Variants in AGK observed in about 807,000 individuals in gnomAD.
AGK encodes the protein acylglycerol kinase, also known as acylglycerol kinase, mitochondrial.
In AGK, 52 loss-of-function variants were observed where a neutral mutation model predicts 66.4. The ratio of observed to expected loss-of-function variants is 0.78; its 90% CI spans 0.63 to 0.99. AGK has a LOEUF of 0.99. AGK is among the 50% of genes least tolerant of loss of function. The pLI is 0.00. For synonymous variants in AGK, 182 were observed against 181.1 expected (o/e 1.00, Z -0.04); for missense variants, 451 against 506.6 (o/e 0.89, Z 1.05).
intron 13 of AGK, among the ~76,000 whole-genome samples, chr7:141,646,362 G>A (rs1242939356): frequency 1.3e-5 from 2 of 151,926 alleles, no homozygotes; most frequent in Admixed American, 6.5e-5. Context: ...GGAATAGTTC[G>A]TGTTCAAACC....
intron 2 of AGK, among the ~76,000 whole-genome samples, chr7:141,560,714 A>G (rs1587059991): frequency 6.7e-6 from 1 of 150,324 alleles, no homozygotes; most frequent in East Asian, 2.0e-4. Context: ...AATATATGAT[A>G]TTTGGCTTTC....
intron 2 of AGK, among the ~76,000 whole-genome samples, chr7:141,584,386 A>G (rs1483387563): frequency 1.3e-5 from 2 of 152,198 alleles, no homozygotes; most frequent in East Asian, 1.9e-4. Flanking sequence ...ATCTGGACGC[A>G]TATACATGCA....
At chr7:141,557,251 C>T (rs1288245831) in intron 2 of AGK, among the ~76,000 whole-genome samples, 1 of 152,200 alleles carries the variant, frequency 6.6e-6, no homozygotes, top group East Asian at 1.9e-4. Flanking sequence ...ATACATTCCC[C>T]TTCTTTTCTT....
In AGK at chr7:141,651,591, C is replaced by T; in HGVS notation, c.1113C>T (p.Cys371=). The change falls in exon 15 of 16, where the codon TGC becomes TGT. Residue 371 remains cysteine, a synonymous_variant. Coordinates refer to ENST00000649286, the MANE Select transcript of AGK (RefSeq NM_018238.4). ...CGGAGTGTCTCCAAGCCAGCCAGTGCACTTTGCTTATCCCGGAGGTGAGTG... is the reference window on the plus strand; with the variant it reads ...CGGAGTGTCTCCAAGCCAGCCAGTGTACTTTGCTTATCCCGGAGGTGAGTG... ...EGTECLQASQ[C]TLLIPEGAGG... 4.3e-6 allele frequency: 7 copies of T among 1,614,222 alleles called. No individual in the cohort carries two copies. Among genetic ancestry groups the T allele is most frequent in the South Asian group, 1.1e-5 (1 of 91,086 alleles).
At chr7:141,613,998 A>G (rs555904356) in intron 6 of AGK, 148 bp from the exon 7 acceptor site, 385 of 581,168 alleles carry the variant, frequency 6.6e-4, no homozygotes, top group Non-Finnish European at 1.0e-3. Flanking sequence ...GGAGAATACT[A>G]TATGTTTTAA....
At chr7:141,556,902 G>A (rs1032743636) in intron 2 of AGK, among the ~76,000 whole-genome samples, 1 of 152,214 alleles carries the variant, frequency 6.6e-6, no homozygotes, top group African/African-American at 2.4e-5. Context: ...GGAGGGAGAA[G>A]AAAGTGCCAG....
At chr7:141,573,649 G>A (rs1023638464) in intron 2 of AGK, among the ~76,000 whole-genome samples, 8 of 152,086 alleles carry the variant, frequency 5.3e-5, no homozygotes, top group Admixed American at 1.3e-4. Flanking sequence ...TTTATAGGCC[G>A]GAAGTTGTCC....
chr7:141,616,208 T>C (rs1332964254), intron 8 of AGK: 1 of 152,222 alleles, frequency 6.6e-6, no homozygotes, highest in Non-Finnish European at 1.5e-5. Context: ...ATAGGAATCT[T>C]GAATTTGAGC....
At chr7:141,623,122 G>C (rs1796859728) in intron 9 of AGK, among the ~76,000 whole-genome samples, 1 of 152,132 alleles carries the variant, frequency 6.6e-6, no homozygotes, top group African/African-American at 2.4e-5. Context: ...GCTCATGCCT[G>C]TAATCCCAGC....
chr7:141,588,584 C>G (rs1260484455), intron 2 of AGK, among the ~76,000 whole-genome samples: 1 of 151,658 alleles, frequency 6.6e-6, no homozygotes. Context: ...CCACTGCACT[C>G]CAGCCTGGGG....
chr7:141,631,883 G>T (rs1426058215), intron 9 of AGK, among the ~76,000 whole-genome samples: 3 of 152,122 alleles, frequency 2.0e-5, no homozygotes, highest in Non-Finnish European at 4.4e-5. Context: ...ATGTACTTCA[G>T]GTCTCTGTTC....
chr7:141,570,488 A>G (rs999647449), intron 2 of AGK, among the ~76,000 whole-genome samples: 2 of 152,216 alleles, frequency 1.3e-5, no homozygotes, highest in Non-Finnish European at 2.9e-5. Context: ...AAAGAAAAAA[A>G]TTAATTTAAA....
chr7:141,620,632 A>T (rs373512232), intron 8 of AGK, among the ~76,000 whole-genome samples: 2 of 152,204 alleles, frequency 1.3e-5, no homozygotes, highest in African/African-American at 4.8e-5. Flanking sequence ...CCTGTAATTG[A>T]TAAATTGCTG....
At position 141,555,749 on chromosome 7, in the gene AGK, AC is replaced by A. The variant is rs1374118713; in HGVS notation, c.101+183del. On this transcript the variant is annotated intron_variant, in intron 2 of 15. Transcript: ENST00000649286. This position sits in a 1 kb window ranked among gnomAD's most constrained non-coding sequence, Gnocchi z 4.2. ...TAACCAGAGCTGGAACTACATGCAT[AC>A]TTATATCCAGTGGTTAGAGAATAAA... 6.6e-6 allele frequency among the ~76,000 whole-genome samples: 1 copy of A among 152,252 alleles called. No individual in the cohort carries two copies. Among genetic ancestry groups the A allele is most frequent in the African/African-American group, 2.4e-5 (1 of 41,468 alleles).
intron 4 of AGK, 47 bp from the exon 5 acceptor site, chr7:141,601,158 C>A: frequency 7.0e-7 from 1 of 1,421,830 alleles, no homozygotes; most frequent in South Asian, 1.2e-5. Context: ...TGTTCTTGCT[C>A]TTGATAACCT....
rs561698660 is a variant in AGK at position 141,627,653 on chromosome 7, A to G, written c.588+5852A>G. 2.6e-5 allele frequency among the ~76,000 whole-genome samples: 4 copies of G among 152,340 alleles called. No individual in the cohort carries two copies. In the East Asian group the frequency reaches 5.8e-4, roughly 22 times the overall value. ...TTTAAATTGCAGTTGATCTTTTAGC[A>G]TATAATAAAGCTAACTTGTTTTCAT... On this transcript the variant is annotated intron_variant, in intron 9 of 15. Coordinates refer to ENST00000649286, the MANE Select transcript of AGK (RefSeq NM_018238.4).
intron 5 of AGK, among the ~76,000 whole-genome samples, chr7:141,609,539 G>A (rs1319288159): frequency 6.6e-6 from 1 of 152,240 alleles, no homozygotes; most frequent in Non-Finnish European, 1.5e-5. Flanking sequence ...TATGCCCTCT[G>A]TAGGTGTGCC....
At chr7:141,582,670 A>G (rs573753241) in intron 2 of AGK, among the ~76,000 whole-genome samples, 26 of 152,120 alleles carry the variant, frequency 1.7e-4, no homozygotes, top group African/African-American at 6.0e-4. Flanking sequence ...GAGAAGTTGG[A>G]TAAATAAAAA....
intron 2 of AGK, among the ~76,000 whole-genome samples, chr7:141,561,329 A>G (rs1162121094): frequency 6.6e-6 from 1 of 152,120 alleles, no homozygotes; most frequent in African/African-American, 2.4e-5. Context: ...GCTTTTAGTT[A>G]TTTAAGGAAT....
Sources: allele counts gnomAD v4.1 joint callset (sites outside exome capture counted in the v4.1 genomes callset), GRCh38; gene constraint gnomAD v4.1.1; non-coding constraint Gnocchi (gnomAD v3.1); transcripts MANE v1.5; gene names NCBI Gene and HGNC (gene_info 2026-07-23, HGNC 2026-07-21).